MESD: variants seen among roughly 807,000 people sequenced by gnomAD.
MESD encodes LRP chaperone MESD.
Under a neutral mutation model 12.9 loss-of-function variants are expected in MESD, and 7 were observed. That is an observed-to-expected ratio of 0.54 (90% CI 0.31 to 1.02). MESD has a LOEUF of 1.02. MESD is among the 50% of genes least tolerant of loss of function. The pLI, the probability that MESD is intolerant of heterozygous loss-of-function variation, is 0.05. For missense variants in MESD, 342 were observed against 296.7 expected, an observed-to-expected ratio of 1.15 and a Z score of -1.12; for synonymous variants, 126 against 115.6, an observed-to-expected ratio of 1.09 and a Z score of -0.58.
At chr15:80,965,810 G>A (rs1902165143) in intron 3 of MESD, among the ~76,000 whole-genome samples, 1 of 152,178 alleles carries the variant, frequency 6.6e-6, no homozygotes, top group Non-Finnish European at 1.5e-5. Context: ...TTGTGGGGTA[G>A]GGGACTGGGG....
At chr15:80,989,315 C>T (rs1466509508) in intron 1 of MESD, among the ~76,000 whole-genome samples, 1 of 152,112 alleles carries the variant, frequency 6.6e-6, no homozygotes, top group Admixed American at 6.5e-5. Context: ...CAGTGAGGGG[C>T]AGATCCGTGA....
At chr15:80,954,324 G>A (rs1901918666) in intron 3 of MESD, among the ~76,000 whole-genome samples, 1 of 152,218 alleles carries the variant, frequency 6.6e-6, no homozygotes, top group South Asian at 2.1e-4. Context: ...GTTGGGTAAT[G>A]TGTGCTTGCT....
intron 4 of MESD, chr15:80,949,684 A>G (rs569411902): frequency 1.3e-5 from 2 of 154,894 alleles, no homozygotes; most frequent in South Asian, 2.0e-4. Flanking sequence ...ACTAATGCCT[A>G]GCTTGAGGGG....
chr15:80,983,825 C>A (rs1204445884), intron 1 of MESD, among the ~76,000 whole-genome samples: 1 of 150,166 alleles, frequency 6.7e-6, no homozygotes, highest in Non-Finnish European at 1.5e-5. Context: ...TACAACCCCT[C>A]AAACAAAATG....
At chr15:80,969,823 CCA>C (rs780189769) in intron 3 of MESD, among the ~76,000 whole-genome samples, 1 of 152,106 alleles carries the variant, frequency 6.6e-6, no homozygotes, top group Non-Finnish European at 1.5e-5. Flanking sequence ...CCACTGCACT[CCA>C]GTCTGGGCGA....
chr15:80,968,150 C>A (rs547073050), intron 3 of MESD, among the ~76,000 whole-genome samples: 20 of 152,370 alleles, frequency 1.3e-4, no homozygotes, highest in Non-Finnish European at 2.9e-4. Flanking sequence ...CAAACCATCT[C>A]ACCTGAGAGC....
chr15:80,968,434 AGCAAGGG>A (rs1890270221), intron 3 of MESD, among the ~76,000 whole-genome samples: 1 of 152,234 alleles, frequency 6.6e-6, no homozygotes, highest in Non-Finnish European at 1.5e-5. Flanking sequence ...TGTGACTCTC[AGCAAGGG>A]GCTTAACCCC....
chr15:80,955,211 C>T (rs1187302388), intron 3 of MESD, among the ~76,000 whole-genome samples: 2 of 151,368 alleles, frequency 1.3e-5, no homozygotes, highest in African/African-American at 2.4e-5. Context: ...CTCGGCCGGG[C>T]GCGGTGGCTC....
intron 3 of MESD, chr15:80,952,795 C>T: frequency 2.7e-6 from 1 of 364,344 alleles, no homozygotes; most frequent in East Asian, 7.3e-5. Context: ...GAGTACACGG[C>T]CTCTACCTTC....
intron 3 of MESD, among the ~76,000 whole-genome samples, chr15:80,963,930 C>A (rs571346765): frequency 6.6e-6 from 1 of 152,184 alleles, no homozygotes; most frequent in Non-Finnish European, 1.5e-5. Flanking sequence ...GACAAGGATG[C>A]CCTCTTTCAC....
intron 3 of MESD, among the ~76,000 whole-genome samples, chr15:80,954,022 TC>T (rs1241895973): frequency 6.6e-6 from 1 of 151,994 alleles, no homozygotes; most frequent in Non-Finnish European, 1.5e-5. Flanking sequence ...CTAATCCTCA[TC>T]CCCTCCCACT....
downstream of MESD, chr15:80,946,721 T>C: frequency 1.9e-6 from 1 of 531,548 alleles, no homozygotes; most frequent in Non-Finnish European, 3.4e-6. Context: ...AAGTCCAGGC[T>C]TGGAGAAGGC....
At position 80,957,298 on chromosome 15, in the gene MESD, A is replaced by G. The variant is rs114295047; in HGVS notation, c.*289-5002T>C. Among the ~76,000 whole-genome samples the G allele has an allele frequency of 7.3e-3, 1,109 of 152,320 alleles. 16 individuals are homozygous for G. Among genetic ancestry groups the G allele is most frequent in the African/African-American group, 0.026 (1,061 of 41,562 alleles). On this transcript the variant is annotated intron_variant, in intron 3 of 4. Coordinates refer to the MESD transcript ENST00000561312. ...AAAAAAAACAAAATACAGTCTCCAT[A>G]AAGAGAGGACAGAAAGATGACATGA... is the stretch of plus-strand genomic sequence containing the variant.
In MESD at chr15:80,978,196, C is replaced by G. The variant is rs1262304251; in HGVS notation, c.*1023G>C. ...TACCATTCTTTAACACTGACATTTT[C>G]TAACCATGTAATGTGCTACTTTTAA... On this transcript the variant is annotated 3_prime_UTR_variant, in exon 3 of 3. Transcript: ENST00000261758. The G allele has an allele frequency of 6.6e-6, 1 of 152,166 alleles. No homozygotes were observed. The highest frequency in any genetic ancestry group is 1.5e-5 in the Non-Finnish European group (1 of 68,032). The allele number at this position is 152,166 out of a possible 1,614,324, so 9.4% of individuals were successfully genotyped here.
intron 3 of MESD, among the ~76,000 whole-genome samples, chr15:80,960,405 T>A (rs1489109157): frequency 6.7e-6 from 1 of 148,358 alleles, no homozygotes; most frequent in Non-Finnish European, 1.5e-5. Context: ...AAAAAAACTC[T>A]TTCCCAGTTT....
chr15:80,966,627 G>A (rs935722195), intron 3 of MESD, among the ~76,000 whole-genome samples: 28 of 152,266 alleles, frequency 1.8e-4, no homozygotes, highest in African/African-American at 6.3e-4. Flanking sequence ...GGCTGCCTCT[G>A]TGTCCACTCA....
intron 3 of MESD, among the ~76,000 whole-genome samples, chr15:80,958,918 C>A (rs764044258): frequency 5.3e-5 from 8 of 152,084 alleles, no homozygotes; most frequent in Non-Finnish European, 8.8e-5. Context: ...AAGTGGTGAC[C>A]CACCTCCAGG....
chr15:80,966,342 G>A (rs1216528440), intron 3 of MESD, among the ~76,000 whole-genome samples: 3 of 152,090 alleles, frequency 2.0e-5, no homozygotes, highest in Non-Finnish European at 2.9e-5. Context: ...CATCTACACA[G>A]AAATGACCAA....
chr15:80,953,418 G>A (rs1191723162), intron 3 of MESD, among the ~76,000 whole-genome samples: 1 of 152,126 alleles, frequency 6.6e-6, no homozygotes, highest in Non-Finnish European at 1.5e-5. Context: ...GAGAGGTTGG[G>A]GTGGAGGGAC....
Sources: allele counts gnomAD v4.1 joint callset (sites outside exome capture counted in the v4.1 genomes callset), GRCh38; gene constraint gnomAD v4.1.1; transcripts MANE v1.5; gene names NCBI Gene and HGNC (gene_info 2026-07-23, HGNC 2026-07-21).